MAPRE3: variants seen among roughly 807,000 people sequenced by gnomAD.
MAPRE3 encodes microtubule associated protein RP/EB family member 3.
MAPRE3 carries 2 observed loss-of-function variants against 30.5 expected under a neutral mutation model. That is an observed-to-expected ratio of 0.07 (90% CI 0.03 to 0.21). The LOEUF (loss-of-function observed/expected upper bound fraction) is 0.21. Ranked by LOEUF, MAPRE3 falls within the 10% of genes least tolerant of loss-of-function variation. The pLI is 1.00. For missense variants in MAPRE3, 204 were observed against 351.8 expected (o/e 0.58, Z 3.36); for synonymous variants, 110 against 127.7 (o/e 0.86, Z 0.93).
At chr2:26,988,648 G>A (rs1030051862) in intron 1 of MAPRE3, among the ~76,000 whole-genome samples, 2 of 152,218 alleles carry the variant, frequency 1.3e-5, no homozygotes, top group African/African-American at 4.8e-5. Flanking sequence ...GGGAAATCGT[G>A]TGTGTGTTCT....
chr2:26,994,781 T>TATA (rs1440771854), intron 1 of MAPRE3, among the ~76,000 whole-genome samples: 2 of 151,952 alleles, frequency 1.3e-5, no homozygotes, highest in African/African-American at 2.4e-5. Flanking sequence ...ATTAACTCAT[T>TATA]AGCAGGGATT....
intron 1 of MAPRE3, among the ~76,000 whole-genome samples, chr2:27,017,394 AT>A: frequency 6.6e-6 from 1 of 152,158 alleles, no homozygotes; most frequent in Non-Finnish European, 1.5e-5. Flanking sequence ...GAAAGGAGCC[AT>A]TTTTTCCAGC....
chr2:26,993,826 C>T (rs950535730), intron 1 of MAPRE3, among the ~76,000 whole-genome samples: 4 of 152,152 alleles, frequency 2.6e-5, no homozygotes, highest in African/African-American at 9.7e-5. Flanking sequence ...CCCTACTTGG[C>T]CATGACCATT....
At chr2:26,996,761 C>T (rs1666470442) in intron 1 of MAPRE3, 1 of 152,158 alleles carries the variant, frequency 6.6e-6, no homozygotes, top group South Asian at 2.1e-4. Context: ...GGGCCAAGAT[C>T]ACACCTCTGC....
At chr2:27,011,263 A>G (rs1666849066) in intron 1 of MAPRE3, among the ~76,000 whole-genome samples, 1 of 152,114 alleles carries the variant, frequency 6.6e-6, no homozygotes, top group African/African-American at 2.4e-5. Flanking sequence ...TAAAGGCCCA[A>G]TTAGGTGCCA....
chr2:26,970,875 G>A (rs1665900956), intron 1 of MAPRE3, 73 bp downstream of exon 1: 1 of 151,840 alleles, frequency 6.6e-6, no homozygotes, highest in Non-Finnish European at 1.5e-5. Flanking sequence ...CTGGGGGAGG[G>A]GAACCGGGCT....
At chr2:27,021,343 G>A (rs188782514) in intron 1 of MAPRE3, among the ~76,000 whole-genome samples, 1 of 152,208 alleles carries the variant, frequency 6.6e-6, no homozygotes, top group Non-Finnish European at 1.5e-5. Context: ...GCATGAGGGA[G>A]AGTAAGCTGT....
chr2:27,018,521 T>TC (rs1667036866), intron 1 of MAPRE3, among the ~76,000 whole-genome samples: 1 of 152,220 alleles, frequency 6.6e-6, no homozygotes, highest in Non-Finnish European at 1.5e-5. Context: ...CATTTGGTTA[T>TC]ACTGTTCTCA....
At chr2:27,004,728 TAAAA>T (rs563188243) in intron 1 of MAPRE3, among the ~76,000 whole-genome samples, 1 of 120,434 alleles carries the variant, frequency 8.3e-6, no homozygotes. Flanking sequence ...AAGGATCTAG[TAAAA>T]AAAAAAAAAA....
chr2:26,971,256 G>C (rs2148192355), intron 1 of MAPRE3, among the ~76,000 whole-genome samples: 1 of 152,356 alleles, frequency 6.6e-6, no homozygotes, highest in South Asian at 2.1e-4. Flanking sequence ...GGGAGACTTG[G>C]GGGAGGGGGA....
chr2:26,978,309 A>G (rs1056525228), intron 1 of MAPRE3, among the ~76,000 whole-genome samples: 3 of 152,360 alleles, frequency 2.0e-5, no homozygotes, highest in African/African-American at 7.2e-5. Context: ...GTCTTAGACC[A>G]CTAGATGAAA....
chr2:27,021,855 G>A (rs545700550), intron 1 of MAPRE3, among the ~76,000 whole-genome samples: 13 of 152,210 alleles, frequency 8.5e-5, no homozygotes, highest in Admixed American at 2.0e-4. Context: ...TGAAGCCTTC[G>A]CTGACCCTGC....
intron 1 of MAPRE3, among the ~76,000 whole-genome samples, chr2:27,019,424 C>G (rs897299748): frequency 6.6e-5 from 10 of 151,940 alleles, no homozygotes; most frequent in African/African-American, 2.4e-4. Flanking sequence ...AGACATGATT[C>G]AGAAAGAGGA....
intron 1 of MAPRE3, chr2:27,002,844 C>G (rs1440728692): frequency 6.6e-6 from 1 of 152,232 alleles, no homozygotes; most frequent in African/African-American, 2.4e-5. Context: ...CAAGGCCATC[C>G]TGGCTTGTCT....
chr2:26,984,255 C>A (rs995417536), intron 1 of MAPRE3, among the ~76,000 whole-genome samples: 5 of 152,226 alleles, frequency 3.3e-5, no homozygotes, highest in Middle Eastern at 3.4e-3. Context: ...TTCAAAATTG[C>A]TTTTAGAATT....
intron 2 of MAPRE3, 152 bp downstream of exon 2, chr2:27,022,491 G>A: frequency 9.9e-7 from 1 of 1,006,074 alleles, no homozygotes; most frequent in Non-Finnish European, 1.5e-6. Context: ...TGTTGTTGTT[G>A]TGTGAACATC....
At chr2:26,990,104 A>G (rs914649023) in intron 1 of MAPRE3, among the ~76,000 whole-genome samples, 1 of 152,186 alleles carries the variant, frequency 6.6e-6, no homozygotes, top group Non-Finnish European at 1.5e-5. Flanking sequence ...GCTGGAGCCC[A>G]GGAGTGTGAG....
rs991018957 is a variant in MAPRE3 at position 26,986,993 on chromosome 2, G to A, written c.-8+16191G>A. The stretch of plus-strand genomic sequence containing the variant: ...GTAAGAACTCAGGAGGGAGTGCCCC[G>A]GTAATAGCTACCCTTGAAGTCAGAC... On this transcript the variant is annotated intron_variant, in intron 1 of 6. Transcript: ENST00000233121. This position sits in a 1 kb window ranked among gnomAD's most constrained non-coding sequence, Gnocchi z 4.2. 5.3e-5 allele frequency among the ~76,000 whole-genome samples: 8 copies of A among 152,022 alleles called. No homozygotes were observed. Among genetic ancestry groups the A allele is most frequent in the African/African-American group, 7.2e-5 (3 of 41,382 alleles).
At chr2:26,990,628 T>C (rs1003009873) in intron 1 of MAPRE3, among the ~76,000 whole-genome samples, 1 of 152,260 alleles carries the variant, frequency 6.6e-6, no homozygotes, top group African/African-American at 2.4e-5. Context: ...AGTTTGAATA[T>C]GTATATAGAA....
Sources: gnomAD v4.1 joint callset for allele counts (sites outside exome capture counted in the v4.1 genomes callset) on GRCh38, gnomAD v4.1.1 for gene constraint, Gnocchi (gnomAD v3.1) non-coding constraint, MANE v1.5 for transcripts, NCBI Gene and HGNC (gene_info 2026-07-23, HGNC 2026-07-21) for gene names.